Variants in MAPRE1 observed in about 807,000 individuals in gnomAD.
MAPRE1 encodes the protein microtubule associated protein RP/EB family member 1, also known as microtubule-associated protein RP/EB family member 1.
Under a neutral mutation model 32.1 loss-of-function variants are expected in MAPRE1, and 5 were observed. The ratio of observed to expected loss-of-function variants is 0.16; its 90% CI spans 0.08 to 0.33. The LOEUF is 0.33. Among genes scored for constraint, MAPRE1 ranks in the 10% least tolerant of loss-of-function variants. MAPRE1 has a pLI of 1.00. For synonymous variants in MAPRE1, 122 were observed against 118.9 expected, an observed-to-expected ratio of 1.03 and a Z score of -0.17; for missense variants, 209 against 327.2, an observed-to-expected ratio of 0.64 and a Z score of 2.79.
At chr20:32,824,817 G>A (rs1378866675) in intron 1 of MAPRE1, among the ~76,000 whole-genome samples, 1 of 151,700 alleles carries the variant, frequency 6.6e-6, no homozygotes, top group African/African-American at 2.4e-5. Flanking sequence ...AGTCTTTAAG[G>A]AAAATTTGGG....
chr20:32,834,699 T>C (rs1012969598), intron 3 of MAPRE1, among the ~76,000 whole-genome samples: 1 of 152,194 alleles, frequency 6.6e-6, no homozygotes, highest in African/African-American at 2.4e-5. Flanking sequence ...ATCACTTAAC[T>C]TTCCAGGCAT....
intron 5 of MAPRE1, among the ~76,000 whole-genome samples, chr20:32,845,308 T>G (rs937649378): frequency 3.9e-5 from 6 of 152,316 alleles, no homozygotes; most frequent in African/African-American, 1.4e-4. Flanking sequence ...CCCAAAGCTT[T>G]GGGATTGCAG....
At chr20:32,833,115 T>C (rs917221502) in intron 2 of MAPRE1, among the ~76,000 whole-genome samples, 1 of 151,866 alleles carries the variant, frequency 6.6e-6, no homozygotes, top group East Asian at 1.9e-4. Flanking sequence ...GGTGGGAGGA[T>C]CACTTGAGCC....
At chr20:32,835,031 T>C (rs574348458) in intron 3 of MAPRE1, among the ~76,000 whole-genome samples, 5 of 152,304 alleles carry the variant, frequency 3.3e-5, no homozygotes, top group Admixed American at 3.3e-4. Context: ...ATATTCTTTT[T>C]ATAATACATT....
At chr20:32,835,454 T>C (rs1015721369) in intron 3 of MAPRE1, among the ~76,000 whole-genome samples, 1 of 147,290 alleles carries the variant, frequency 6.8e-6, no homozygotes, top group Non-Finnish European at 1.5e-5. Context: ...ATAGCTAGGA[T>C]TGCAGGTGGG....
intron 4 of MAPRE1, among the ~76,000 whole-genome samples, chr20:32,838,050 T>C (rs1355397564): frequency 1.3e-5 from 2 of 152,168 alleles, no homozygotes; most frequent in East Asian, 1.9e-4. Context: ...ACCACTACAC[T>C]GCAGCCTGGG....
chr20:32,839,920 G>T, intron 5 of MAPRE1, 64 bp downstream of exon 5: 2 of 1,600,612 alleles, frequency 1.2e-6, no homozygotes, highest in Non-Finnish European at 1.7e-6. Flanking sequence ...GGTGGCCAGG[G>T]TGCCTTATCC....
chr20:32,830,628 CTAAGTTCCCAG>C (rs1982989741), intron 2 of MAPRE1, among the ~76,000 whole-genome samples: 1 of 151,412 alleles, frequency 6.6e-6, no homozygotes, highest in Non-Finnish European at 1.5e-5. Context: ...TAAGTTCCCT[CTAAGTTCCCAG>C]CCCCCACCTT....
At chr20:32,827,046 T>A (rs985954331) in intron 2 of MAPRE1, among the ~76,000 whole-genome samples, 3 of 152,200 alleles carry the variant, frequency 2.0e-5, no homozygotes, top group Non-Finnish European at 4.4e-5. Flanking sequence ...AAGATCAAAG[T>A]CTAGCAAATA....
At chr20:32,832,937 T>G (rs1424028158) in intron 2 of MAPRE1, among the ~76,000 whole-genome samples, 1 of 146,666 alleles carries the variant, frequency 6.8e-6, no homozygotes, top group Non-Finnish European at 1.5e-5. Context: ...AGCGAGACTC[T>G]GTCTCAAAAA....
At chr20:32,838,285 T>C (rs1983256392) in intron 4 of MAPRE1, among the ~76,000 whole-genome samples, 1 of 152,222 alleles carries the variant, frequency 6.6e-6, no homozygotes, top group Non-Finnish European at 1.5e-5. Flanking sequence ...AGCCTGCTGT[T>C]TTCAAGGTTC....
intron 1 of MAPRE1, among the ~76,000 whole-genome samples, chr20:32,820,868 C>T (rs1458615433): frequency 4.6e-5 from 7 of 152,208 alleles, no homozygotes; most frequent in Admixed American, 2.6e-4. Flanking sequence ...CTAGGCCGGG[C>T]ATCCGCTTCT....
intron 4 of MAPRE1, among the ~76,000 whole-genome samples, chr20:32,837,517 G>T (rs1983234396): frequency 6.6e-6 from 1 of 152,006 alleles, no homozygotes; most frequent in South Asian, 2.1e-4. Flanking sequence ...GTATATTTTG[G>T]GGCAGGGTAG....
Position 32,832,917 on chromosome 20 carries a change from T to A in MAPRE1, c.122-800T>A, listed in dbSNP as rs1014308023. Among the ~76,000 whole-genome samples the A allele has an allele frequency of 4.1e-5, 6 of 146,604 alleles. No individual in the cohort carries two copies. In the Admixed American group the frequency reaches 4.1e-4, roughly 10 times the overall value. ...CGAGATCACGCCACTGCACTCCAGC[T>A]TGGCAACAGAGCGAGACTCTGTCTC... On this transcript the variant is annotated intron_variant, in intron 2 of 6. Coordinates refer to ENST00000375571, the MANE Select transcript of MAPRE1 (RefSeq NM_012325.3).
intron 4 of MAPRE1, among the ~76,000 whole-genome samples, chr20:32,838,762 T>C (rs538881618): frequency 1.5e-4 from 23 of 152,336 alleles, no homozygotes; most frequent in African/African-American, 5.1e-4. Flanking sequence ...GCATTTAGTC[T>C]TTGGGATAAA....
chr20:32,846,480 T>C, intron 5 of MAPRE1, 138 bp from the exon 6 acceptor site: 1 of 775,766 alleles, frequency 1.3e-6, no homozygotes, highest in East Asian at 2.5e-5. Context: ...CTGAAGAAAA[T>C]TGACATTAAA....
rs545099164 is a variant in MAPRE1 at position 32,844,891 on chromosome 20, G to A, written c.598-1727G>A. ...GTATCCCCTGCTCTTTGGGGCTGTTGGTTTCAGGAAAGGCAGCAAACTGCA... is the reference window on the plus strand; with the variant it reads ...GTATCCCCTGCTCTTTGGGGCTGTTAGTTTCAGGAAAGGCAGCAAACTGCA... On this transcript the variant is annotated intron_variant, in intron 5 of 6. Transcript: ENST00000375571. Among the ~76,000 whole-genome samples the A allele has an allele frequency of 4.0e-4, 61 of 152,248 alleles. 2 individuals are homozygous for A. The highest frequency in any genetic ancestry group is 3.9e-3 in the Admixed American group (60 of 15,298).
intron 6 of MAPRE1, among the ~76,000 whole-genome samples, chr20:32,847,780 AT>A (rs1443834859): frequency 6.6e-6 from 1 of 152,146 alleles, no homozygotes; most frequent in Non-Finnish European, 1.5e-5. Context: ...TAGTATAGTA[AT>A]TTCCTGCTCT....
intron 2 of MAPRE1, among the ~76,000 whole-genome samples, chr20:32,832,807 CTTTTTT>C (rs35277682): frequency 1.7e-4 from 10 of 58,778 alleles, no homozygotes; most frequent in African/African-American, 5.4e-4. Context: ...CAGAGTTTCG[CTTTTTT>C]TTTTTTTTTT....
Sources: allele counts gnomAD v4.1 joint callset (sites outside exome capture counted in the v4.1 genomes callset), GRCh38; gene constraint gnomAD v4.1.1; transcripts MANE v1.5; gene names NCBI Gene and HGNC (gene_info 2026-07-23, HGNC 2026-07-21).